The following MSH6 variants were observed in gnomAD, a reference collection of about 807,000 sequenced individuals.
The protein encoded by MSH6 is mutS homolog 6.
A neutral mutation model predicts 119.1 loss-of-function variants in MSH6; 85 were observed. That is an observed-to-expected ratio of 0.71 (90% CI 0.60 to 0.85). The LOEUF (loss-of-function observed/expected upper bound fraction) is 0.85. Ranked by LOEUF, MSH6 falls within the 40% of genes least tolerant of loss-of-function variation. MSH6 has a pLI of 0.00. For missense variants in MSH6, 2,163 were observed against 1,655.3 expected (o/e 1.31, Z -5.32); for synonymous variants, 830 against 586.9 (o/e 1.41, Z -5.99).
At chr2:47,793,733 A>G (rs1350343732) in intron 2 of MSH6, among the ~76,000 whole-genome samples, 1 of 151,830 alleles carries the variant, frequency 6.6e-6, no homozygotes, top group Non-Finnish European at 1.5e-5. Context: ...ATTTGGCAGA[A>G]TTACTTTTTT....
At chr2:47,809,301 G>A (rs1157116980), downstream of MSH6, 2 of 1,340,272 alleles carry the variant, frequency 1.5e-6, no homozygotes, top group Non-Finnish European at 2.1e-6. Flanking sequence ...AAAATTCAGA[G>A]GAATGTTAAT....
chr2:47,784,118 C>G lies in MSH6; in HGVS notation c.260+625C>G, dbSNP rs1411778121. 6 of 993,856 alleles carry G rather than the reference C, an allele frequency of 6.0e-6. No homozygotes were observed. In the South Asian group the frequency reaches 1.4e-4, roughly 24 times the overall value. 61.6% of individuals were successfully genotyped at this position (993,856 alleles called of 1,614,324 possible). ...GCCTTCGGCCTAGGTGAGGGGCCGC[C>G]GAGGGGGTGGGCCACGAGCTGCGAG... On this transcript the variant is annotated intron_variant, in intron 1 of 9. Coordinates refer to ENST00000234420, the MANE Select transcript of MSH6 (RefSeq NM_000179.3).
intron 1 of MSH6, among the ~76,000 whole-genome samples, chr2:47,787,825 G>GA (rs1668439582): frequency 6.6e-6 from 1 of 152,118 alleles, no homozygotes; most frequent in Admixed American, 6.6e-5. Context: ...TCACTGTGTA[G>GA]CCCAGATGGT....
chr2:47,802,364 C>T (rs1669653464), intron 4 of MSH6, among the ~76,000 whole-genome samples: 1 of 152,028 alleles, frequency 6.6e-6, no homozygotes, highest in Non-Finnish European at 1.5e-5. Context: ...GAGACGGGGT[C>T]TTGCTGTTTT....
At chr2:47,791,675 CTTTTTT>C (rs575880393) in intron 2 of MSH6, among the ~76,000 whole-genome samples, 1 of 132,506 alleles carries the variant, frequency 7.5e-6, no homozygotes, top group African/African-American at 2.8e-5. Context: ...CTCTTTCTTT[CTTTTTT>C]TTTTTTTTTT....
At chr2:47,795,530 A>G (rs1485070900) in intron 2 of MSH6, among the ~76,000 whole-genome samples, 2 of 149,710 alleles carry the variant, frequency 1.3e-5, no homozygotes, top group African/African-American at 4.9e-5. Flanking sequence ...AAGTGGTGCA[A>G]TCTCGGCTCA....
At chr2:47,787,395 A>AT (rs3136255) in intron 1 of MSH6, among the ~76,000 whole-genome samples, 207 of 152,322 alleles carry the variant, frequency 1.4e-3, no homozygotes, top group African/African-American at 4.9e-3. Context: ...AAATAATGTG[A>AT]TTTTAAACCA....
chr2:47,798,291 G>T (rs982899918), intron 3 of MSH6, among the ~76,000 whole-genome samples: 14 of 152,172 alleles, frequency 9.2e-5, no homozygotes, highest in Admixed American at 7.9e-4. Context: ...CACAACTTAT[G>T]ATGGGGTTAC....
intron 2 of MSH6, among the ~76,000 whole-genome samples, chr2:47,794,887 C>A (rs3136306): frequency 1.3e-5 from 2 of 152,032 alleles, no homozygotes; most frequent in East Asian, 3.9e-4. Context: ...CTCTGCCTCC[C>A]GGGTTCAAGT....
intron 1 of MSH6, among the ~76,000 whole-genome samples, chr2:47,788,907 C>CTTTTTTTTTTTTTTTTTTT (rs1558650117): frequency 8.1e-4 from 14 of 17,278 alleles, no homozygotes; most frequent in African/African-American, 1.1e-3. Flanking sequence ...TTTCTTCTTC[C>CTTTTTTTTTTTTTTTTTTT]TTTTTTTTTT....
chr2:47,806,164 T>G, intron 7 of MSH6, 40 bp from the exon 8 acceptor site: 3 of 1,602,092 alleles, frequency 1.9e-6, no homozygotes, highest in Non-Finnish European at 2.6e-6. Flanking sequence ...TTGTTTTAAT[T>G]CCTTTGAGTT....
chr2:47,808,585 GAGTA>G (rs1251899249), downstream of MSH6: 2 of 542,004 alleles, frequency 3.7e-6, no homozygotes, highest in East Asian at 3.0e-5. Context: ...AACTTTAATG[GAGTA>G]AGTGATTTTC....
At position 47,806,509 on chromosome 2, in the gene MSH6, T is replaced by TATAAATTCATTA; in HGVS notation, c.3861_3872dup (p.Ile1290_Lys1291insAsnLysPheIle). The TATAAATTCATTA allele has an allele frequency of 6.2e-7, 1 of 1,614,098 alleles. No homozygotes were observed. Among genetic ancestry groups the TATAAATTCATTA allele is most frequent in the Middle Eastern group, 1.6e-4 (1 of 6,062 alleles). On this transcript the variant is annotated inframe_insertion, in exon 9 of 10. Transcript: ENST00000234420. ...CAGCCAGGAGACTATTACGTTCCTC[T>TATAAATTCATTA]ATAAATTCATTAAGGGAGCTTGTCC...
downstream of MSH6, chr2:47,809,196 T>G (rs749969175): frequency 3.7e-6 from 6 of 1,606,354 alleles, no homozygotes; most frequent in Non-Finnish European, 5.1e-6. Context: ...TATAACTTGA[T>G]ATTTTATATA....
At chr2:47,783,827 G>A in intron 1 of MSH6, 1 of 766,356 alleles carries the variant, frequency 1.3e-6, no homozygotes, top group Non-Finnish European at 1.6e-6. Context: ...CTCCGGGTGG[G>A]GAGGGGGCCT....
intron 9 of MSH6, 31 bp from the exon 10 acceptor site, chr2:47,806,748 A>AAACTT: frequency 6.7e-7 from 1 of 1,498,712 alleles, no homozygotes; most frequent in Non-Finnish European, 9.1e-7. Context: ...AAAAACAAAA[A>AAACTT]AACTTTTTTT....
chr2:47,806,905 T>A lies in MSH6; in HGVS notation c.*45T>A, dbSNP rs2104589080. The A allele has an allele frequency of 7.3e-7, 1 of 1,368,420 alleles. No homozygotes were observed. Among genetic ancestry groups the A allele is most frequent in the Non-Finnish European group, 1.0e-6 (1 of 958,042 alleles). 84.8% of individuals were successfully genotyped at this position (1,368,420 alleles called of 1,614,324 possible). A position where few individuals can be genotyped will look rare whatever the true frequency, so the allele number is the denominator to read the frequency against. ...TTGAGTTGACTTCTGACAAAGGTGG[T>A]AAATTCAGACAACATTATGATCTAA... On this transcript the variant is annotated 3_prime_UTR_variant, in exon 10 of 10. Coordinates refer to ENST00000234420, the MANE Select transcript of MSH6 (RefSeq NM_000179.3).
At chr2:47,788,934 T>TTTTTTTTTTTTTTTTTTTG (rs1668554089) in intron 1 of MSH6, among the ~76,000 whole-genome samples, 5 of 99,650 alleles carry the variant, frequency 5.0e-5, no homozygotes, top group Non-Finnish European at 7.9e-5. Context: ...TTTTTTTTTT[T>TTTTTTTTTTTTTTTTTTTG]TTTTTTTTTT....
chr2:47,791,487 G>C (rs1040426111), intron 2 of MSH6, among the ~76,000 whole-genome samples: 6 of 151,996 alleles, frequency 3.9e-5, no homozygotes, highest in Non-Finnish European at 7.4e-5. Context: ...ATGGAGATGC[G>C]CACTACCTGG....
Sources: gnomAD v4.1 joint callset for allele counts (sites outside exome capture counted in the v4.1 genomes callset) on GRCh38, gnomAD v4.1.1 for gene constraint, MANE v1.5 for transcripts, NCBI Gene and HGNC (gene_info 2026-07-23, HGNC 2026-07-21) for gene names.